The following LINGO2 variants were observed in gnomAD, a reference collection of about 807,000 sequenced individuals.
LINGO2 encodes leucine-rich repeat and immunoglobulin-like domain-containing nogo receptor-interacting protein 2.
In LINGO2, 14 loss-of-function variants were observed where a neutral mutation model predicts 30.6. That is an observed-to-expected ratio of 0.46 (90% confidence interval 0.30 to 0.72). The LOEUF is 0.72. Ranked by LOEUF, LINGO2 falls within the 30% of genes least tolerant of loss-of-function variation. LINGO2 has a pLI of 0.07. For synonymous variants in LINGO2, 317 were observed against 288.5 expected, an observed-to-expected ratio of 1.10 and a Z score of -1.00; for missense variants, 729 against 751.7, an observed-to-expected ratio of 0.97 and a Z score of 0.35.
chr9:28,821,071 A>T, the LINGO2 span, among the ~76,000 whole-genome samples: 1 of 152,228 alleles, frequency 6.6e-6, no homozygotes, highest in Non-Finnish European at 1.5e-5. Context: ...AGTTGTTAGT[A>T]TCTAACTTAA....
the LINGO2 span, among the ~76,000 whole-genome samples, chr9:28,814,072 C>T: frequency 3.9e-5 from 6 of 152,286 alleles, no homozygotes; most frequent in South Asian, 1.2e-3. Context: ...CTTAAAAGCA[C>T]TCTTCACAAG....
intron 4 of LINGO2, among the ~76,000 whole-genome samples, chr9:28,133,974 A>G (rs938279240): frequency 6.6e-5 from 10 of 152,348 alleles, no homozygotes; most frequent in South Asian, 2.1e-4. Context: ...AGAACTCTCA[A>G]TAAATAATAC....
At chr9:28,522,396 C>T (rs1380963430) in intron 1 of LINGO2, among the ~76,000 whole-genome samples, 2 of 152,020 alleles carry the variant, frequency 1.3e-5, no homozygotes, top group Non-Finnish European at 2.9e-5. Context: ...GTACCAAAGA[C>T]AATAAATCTG....
In LINGO2 at chr9:28,553,229, C is replaced by A. The variant is rs563604437; in HGVS notation, c.-364-77204G>T. Among the ~76,000 whole-genome samples, 32 of 151,970 alleles carry A rather than the reference C, an allele frequency of 2.1e-4. No individual in the cohort carries two copies. In the East Asian group the frequency reaches 5.8e-3, roughly 28 times the overall value. On this transcript the variant is annotated intron_variant, in intron 1 of 5. Coordinates refer to ENST00000379992, the Ensembl canonical transcript of LINGO2. ...TAAGGGAGGACATTCAAACCAAAGA[C>A]AAAGAAGTTGAAAACTTTGAAAAAA...
chr9:28,421,998 T>A (rs547366622), intron 2 of LINGO2, among the ~76,000 whole-genome samples: 16 of 152,014 alleles, frequency 1.1e-4, no homozygotes, highest in Non-Finnish European at 2.4e-4. Context: ...ACACCATATA[T>A]ACATATTAAT....
At chr9:29,212,124 C>T in the LINGO2 span, among the ~76,000 whole-genome samples, 1 of 152,218 alleles carries the variant, frequency 6.6e-6, no homozygotes, top group Non-Finnish European at 1.5e-5. Context: ...GGGTCAGGAT[C>T]TCATCCCCGA....
chr9:28,944,498 C>T, the LINGO2 span, among the ~76,000 whole-genome samples: 2 of 152,054 alleles, frequency 1.3e-5, no homozygotes, highest in African/African-American at 2.4e-5. Context: ...CTCTGCCTCC[C>T]GGGTTCAAGC....
the LINGO2 span, among the ~76,000 whole-genome samples, chr9:28,836,264 C>A: frequency 2.0e-5 from 3 of 152,190 alleles, no homozygotes; most frequent in Non-Finnish European, 4.4e-5. Flanking sequence ...AAGCCCAGTT[C>A]TCAGCATGGA....
At chr9:28,867,436 G>T in the LINGO2 span, among the ~76,000 whole-genome samples, 84 of 150,994 alleles carry the variant, frequency 5.6e-4, 1 homozygote, top group African/African-American at 2.0e-3. Context: ...GCAAGTGCTA[G>T]CCATAGCTGA....
At chr9:27,986,842 G>A (rs1295871465) in intron 5 of LINGO2, among the ~76,000 whole-genome samples, 1 of 151,884 alleles carries the variant, frequency 6.6e-6, no homozygotes, top group African/African-American at 2.4e-5. Flanking sequence ...TATACAGAAA[G>A]GAGAAAGTAC....
At chr9:28,545,186 G>A (rs760839485) in intron 1 of LINGO2, among the ~76,000 whole-genome samples, 11 of 151,950 alleles carry the variant, frequency 7.2e-5, no homozygotes, top group Admixed American at 3.3e-4. Context: ...TAAAGGGACC[G>A]ATAAGGATTT....
At chr9:28,460,546 G>C (rs1194932228) in intron 2 of LINGO2, among the ~76,000 whole-genome samples, 1 of 152,068 alleles carries the variant, frequency 6.6e-6, no homozygotes, top group South Asian at 2.1e-4. Context: ...TAGTGCAATA[G>C]GGGAAAGGAA....
chr9:28,519,805 A>G (rs372193797), intron 1 of LINGO2, among the ~76,000 whole-genome samples: 1 of 152,140 alleles, frequency 6.6e-6, no homozygotes, highest in Admixed American at 6.5e-5. Flanking sequence ...GAAATTTATC[A>G]AATTTCCCAT....
chr9:28,377,789 C>T (rs577570358), intron 2 of LINGO2, among the ~76,000 whole-genome samples: 49 of 152,156 alleles, frequency 3.2e-4, no homozygotes, highest in African/African-American at 1.1e-3. Context: ...AGATTAGTTA[C>T]GGAACAAGGG....
chr9:28,074,515 A>G (rs1825568443), intron 4 of LINGO2, among the ~76,000 whole-genome samples: 1 of 152,162 alleles, frequency 6.6e-6, no homozygotes, highest in African/African-American at 2.4e-5. Context: ...CCAGAACATA[A>G]CAGCTTGTAA....
the LINGO2 span, among the ~76,000 whole-genome samples, chr9:28,787,282 A>C: frequency 1.3e-5 from 2 of 152,180 alleles, no homozygotes; most frequent in African/African-American, 4.8e-5. Context: ...ACACTACAAA[A>C]ACTTAACATG....
At chr9:28,511,587 T>C (rs952608783) in intron 1 of LINGO2, among the ~76,000 whole-genome samples, 4 of 152,202 alleles carry the variant, frequency 2.6e-5, no homozygotes, top group Non-Finnish European at 5.9e-5. Flanking sequence ...AATCCTCCTC[T>C]ACTGAGGTCA....
the LINGO2 span, among the ~76,000 whole-genome samples, chr9:28,843,054 C>T: frequency 6.6e-6 from 1 of 151,732 alleles, no homozygotes; most frequent in African/African-American, 2.4e-5. Flanking sequence ...TGAACTACGA[C>T]AACTAATGAC....
intron 3 of LINGO2, among the ~76,000 whole-genome samples, chr9:28,336,573 G>C (rs1012057623): frequency 6.6e-6 from 1 of 151,998 alleles, no homozygotes; most frequent in Non-Finnish European, 1.5e-5. Context: ...AATCCACTTT[G>C]AGTTAATTTT....
Sources: allele counts gnomAD v4.1 joint callset (sites outside exome capture counted in the v4.1 genomes callset), GRCh38; gene constraint gnomAD v4.1.1; transcripts MANE v1.5; gene names NCBI Gene and HGNC (gene_info 2026-07-23, HGNC 2026-07-21).